KCNK10: variants seen among roughly 807,000 people sequenced by gnomAD.
KCNK10 encodes the protein potassium channel subfamily K member 10.
Under a neutral mutation model 47.7 loss-of-function variants are expected in KCNK10, and 25 were observed. The ratio of observed to expected loss-of-function variants is 0.52; its 90% CI spans 0.38 to 0.73. The LOEUF (loss-of-function observed/expected upper bound fraction) is 0.73. KCNK10 is among the 30% of genes least tolerant of loss of function. The probability of loss-of-function intolerance (pLI) is 0.00; values close to 1 mark genes in which losing one functional copy is unlikely to be tolerated. For missense variants in KCNK10, 563 were observed against 714.5 expected (o/e 0.79, Z 2.42); for synonymous variants, 303 against 285.6 (o/e 1.06, Z -0.61).
At chr14:88,206,244 T>C (rs1039618970) in intron 4 of KCNK10, among the ~76,000 whole-genome samples, 1 of 152,194 alleles carries the variant, frequency 6.6e-6, no homozygotes, top group African/African-American at 2.4e-5. Flanking sequence ...AGGTGGTCTC[T>C]AAACTTGTTA....
Position 88,235,687 on chromosome 14 carries a change from A to C in KCNK10, c.520+5016T>G, listed in dbSNP as rs182522991. On this transcript the variant is annotated intron_variant, in intron 3 of 6. Transcript: ENST00000319231. ...GAATAAAATTAACAAAATGAAAACT[A>C]GATTTTAAGAGTTAAAAAGTAGAAG... Among the ~76,000 whole-genome samples the C allele has an allele frequency of 8.5e-3, 1,301 of 152,306 alleles. 12 individuals are homozygous for C. The highest frequency in any genetic ancestry group is 0.03 in the African/African-American group (1,250 of 41,580).
intron 1 of KCNK10, among the ~76,000 whole-genome samples, chr14:88,266,459 C>T (rs1372931816): frequency 6.6e-6 from 1 of 152,162 alleles, no homozygotes; most frequent in Admixed American, 6.5e-5. Flanking sequence ...CCAGGCAGGC[C>T]CAGCGTGCTG....
intron 2 of KCNK10, among the ~76,000 whole-genome samples, chr14:88,250,599 A>G (rs1374779816): frequency 1.3e-5 from 2 of 152,226 alleles, no homozygotes; most frequent in Non-Finnish European, 2.9e-5. Flanking sequence ...TTCCATGAAC[A>G]TCTCAGGTGC....
chr14:88,210,852 A>G (rs1390674861), intron 4 of KCNK10, among the ~76,000 whole-genome samples: 1 of 151,880 alleles, frequency 6.6e-6, no homozygotes. Flanking sequence ...AAACAGAAAA[A>G]AGCAAGTGTT....
intron 4 of KCNK10, among the ~76,000 whole-genome samples, chr14:88,199,955 GTTTC>G (rs746703626): frequency 9.9e-5 from 15 of 152,166 alleles, no homozygotes; most frequent in East Asian, 7.7e-4. Flanking sequence ...CCAATAGACA[GTTTC>G]TTTCTTTCTT....
chr14:88,304,333 G>T (rs1888164889), intron 1 of KCNK10, among the ~76,000 whole-genome samples: 1 of 152,002 alleles, frequency 6.6e-6, no homozygotes, highest in Non-Finnish European at 1.5e-5. Context: ...AAAATAAAAT[G>T]AAATAAAAAT....
chr14:88,308,634 A>G (rs1369801065), intron 1 of KCNK10, among the ~76,000 whole-genome samples: 3 of 152,270 alleles, frequency 2.0e-5, no homozygotes, highest in Non-Finnish European at 2.9e-5. Context: ...CAAGTACCTC[A>G]CATTTCAGCA....
intron 1 of KCNK10, among the ~76,000 whole-genome samples, chr14:88,264,521 G>A (rs1224060955): frequency 6.6e-6 from 1 of 152,210 alleles, no homozygotes. Flanking sequence ...CCAGCAGGGA[G>A]TTAAACTGCT....
At position 88,185,778 on chromosome 14, in the gene KCNK10, G is replaced by T. The variant is rs1459553323; in HGVS notation, c.1389C>A (p.Asn463Lys). The change falls in exon 7 of 7, where the codon AAC becomes AAA. Residue 463 changes from asparagine to lysine, a missense_variant. By Grantham distance (94) the Asn-to-Lys change is moderately conservative. Coordinates refer to ENST00000319231, the MANE Select transcript of KCNK10 (RefSeq NM_138317.3). The surrounding 1 kb of genome is among the most constrained non-coding windows in gnomAD (Gnocchi z 4.3). ...CGGGCAAGGTCTTTTTGAGGTCCTT[G>T]TTTTTCCTCTTGGTGAGTCTGGAGG... ...GSTSRLTKRKNKDLKKTLPED... is the reference protein window; with the variant it reads ...GSTSRLTKRKKKDLKKTLPED... 1 of 1,614,174 alleles carries T rather than the reference G, an allele frequency of 6.2e-7. No individual in the cohort carries two copies. The highest frequency in any genetic ancestry group is 8.5e-7 in the Non-Finnish European group (1 of 1,180,040).
chr14:88,281,372 T>A (rs1053055971), intron 1 of KCNK10, among the ~76,000 whole-genome samples: 2 of 152,180 alleles, frequency 1.3e-5, no homozygotes, highest in Admixed American at 6.5e-5. Flanking sequence ...GGTACTTCTG[T>A]GAGGGTGCTT....
At chr14:88,242,239 A>C (rs554357582) in intron 2 of KCNK10, among the ~76,000 whole-genome samples, 1 of 152,294 alleles carries the variant, frequency 6.6e-6, no homozygotes, top group African/African-American at 2.4e-5. Flanking sequence ...TCATCATTAC[A>C]TTTTGCCTTC....
chr14:88,239,292 A>G (rs1363695650), intron 3 of KCNK10, among the ~76,000 whole-genome samples: 2 of 152,192 alleles, frequency 1.3e-5, no homozygotes, highest in Non-Finnish European at 2.9e-5. Flanking sequence ...GACACCATGA[A>G]TAAGAGTGGA....
At chr14:88,268,337 G>A (rs1032807838) in intron 1 of KCNK10, among the ~76,000 whole-genome samples, 22 of 152,184 alleles carry the variant, frequency 1.4e-4, no homozygotes, top group African/African-American at 5.1e-4. Flanking sequence ...TGGAGATCAG[G>A]GCAGCAGCCA....
chr14:88,261,822 C>G (rs1402579432), intron 2 of KCNK10, among the ~76,000 whole-genome samples: 1 of 151,658 alleles, frequency 6.6e-6, no homozygotes, highest in Non-Finnish European at 1.5e-5. Flanking sequence ...CTATGAAACA[C>G]TTATATGAAA....
intron 2 of KCNK10, among the ~76,000 whole-genome samples, chr14:88,255,169 C>T (rs529070091): frequency 3.4e-4 from 51 of 152,194 alleles, no homozygotes; most frequent in Non-Finnish European, 5.4e-4. Flanking sequence ...CTTCTCCCTC[C>T]AGCCTTTTCC....
intron 1 of KCNK10, among the ~76,000 whole-genome samples, chr14:88,285,662 T>C (rs190722922): frequency 6.6e-6 from 1 of 152,188 alleles, no homozygotes; most frequent in East Asian, 1.9e-4. Flanking sequence ...ACAACTTAGG[T>C]TAAGATTACT....
intron 1 of KCNK10, among the ~76,000 whole-genome samples, chr14:88,278,503 T>C (rs1337003418): frequency 6.6e-6 from 1 of 152,270 alleles, no homozygotes; most frequent in South Asian, 2.1e-4. Context: ...GTTCCCTAAA[T>C]TAATGTGGAA....
At chr14:88,249,041 A>T (rs751977992) in intron 2 of KCNK10, among the ~76,000 whole-genome samples, 5 of 152,232 alleles carry the variant, frequency 3.3e-5, no homozygotes, top group Non-Finnish European at 7.3e-5. Context: ...ATCTTCCACG[A>T]ATAGTTCTCT....
Position 88,260,444 on chromosome 14 carries a change from C to A in KCNK10, c.402+2758G>T, listed in dbSNP as rs1443610508. On this transcript the variant is annotated intron_variant, in intron 2 of 6. Coordinates refer to ENST00000319231, the MANE Select transcript of KCNK10 (RefSeq NM_138317.3). This position sits in a 1 kb window ranked among gnomAD's most constrained non-coding sequence, Gnocchi z 4.5. ...CTTTTCTTTATAAATTGCTTAGTCT[C>A]AGATAGTTCTTTATAGTGAGAATGG... Among the ~76,000 whole-genome samples the A allele has an allele frequency of 6.6e-6, 1 of 152,166 alleles. No homozygotes were observed. The highest frequency in any genetic ancestry group is 2.4e-5 in the African/African-American group (1 of 41,430).
Sources: allele counts gnomAD v4.1 joint callset (sites outside exome capture counted in the v4.1 genomes callset), GRCh38; gene constraint gnomAD v4.1.1; non-coding constraint Gnocchi (gnomAD v3.1); transcripts MANE v1.5; gene names NCBI Gene and HGNC (gene_info 2026-07-23, HGNC 2026-07-21).